The following DIDO1 variants were observed in gnomAD, a reference collection of about 807,000 sequenced individuals.
The protein encoded by DIDO1 is death inducer-obliterator 1, also known as death-inducer obliterator 1.
A neutral mutation model predicts 99.4 loss-of-function variants in DIDO1; 16 were observed. That is an observed-to-expected ratio of 0.16 (90% CI 0.11 to 0.24). The LOEUF is 0.24. DIDO1 is among the 10% of genes least tolerant of loss of function. The pLI is 1.00. For missense variants in DIDO1, 2,996 were observed against 3,014.0 expected (o/e 0.99, Z 0.14); for synonymous variants, 1,366 against 1,239.1 (o/e 1.10, Z -2.15).
intron 6 of DIDO1, among the ~76,000 whole-genome samples, chr20:62,897,421 G>A (rs1034019978): frequency 1.3e-5 from 2 of 152,210 alleles, no homozygotes; most frequent in African/African-American, 2.4e-5. Flanking sequence ...GTTTAGAAGC[G>A]TAAAACAGGC....
At chr20:62,937,848 C>A (rs112136207) in exon 1 of DIDO1, 2 of 398,546 alleles carry the variant, frequency 5.0e-6, no homozygotes, top group Non-Finnish European at 8.8e-6. Flanking sequence ...GATTTCCGCG[C>A]TCCAACGCCT....
chr20:62,897,063 A>T, intron 6 of DIDO1, 67 bp from the exon 7 acceptor site: 2 of 1,448,678 alleles, frequency 1.4e-6, no homozygotes, highest in Non-Finnish European at 1.9e-6. Context: ...TGACTCTAAA[A>T]AGCAGACTTA....
chr20:62,923,797 T>TA (rs1434131488), intron 1 of DIDO1, among the ~76,000 whole-genome samples: 1 of 152,252 alleles, frequency 6.6e-6, no homozygotes, highest in African/African-American at 2.4e-5. Context: ...TAAATGTCTA[T>TA]ATCAGCATAC....
upstream of DIDO1, among the ~76,000 whole-genome samples, chr20:62,929,693 G>GCA (rs1555853760): frequency 0.026 from 2,507 of 97,966 alleles, 206 homozygotes; most frequent in Middle Eastern, 0.11. Flanking sequence ...AAAAGAAAAA[G>GCA]TGTATATATA....
rs1261253654 is a variant in DIDO1 at position 62,879,744 on chromosome 20, C to T, written c.6212G>A (p.Arg2071Gln). ...ADGQWASADF[R>Q]EGKGHEYRNQ... The stretch of plus-strand genomic sequence containing the variant: ...TCTGTATTCGTGGCCTTTCCCCTCT[C>T]GGAAGTCGGCCGATGCCCACTGTCC... The change falls in exon 16 of 16, where the codon CGA becomes CAA. Residue 2071 changes from arginine (R) to glutamine (Q), a missense_variant. Arg to Gln is a conservative substitution (Grantham distance 43, BLOSUM62 1). Transcript: ENST00000395343. This position sits in a 1 kb window ranked among gnomAD's most constrained non-coding sequence, Gnocchi z 6.3. 7 of 1,611,750 alleles carry T rather than the reference C, an allele frequency of 4.3e-6. No homozygotes were observed. Among genetic ancestry groups the T allele is most frequent in the Non-Finnish European group, 5.1e-6 (6 of 1,179,812 alleles).
Position 62,894,614 on chromosome 20 carries a change from ACAC to A in DIDO1, c.2437-69_2437-67del, listed in dbSNP as rs2064475238. ...CCAAACTCAGCTCCAAATTAACCACACACAAGAAAAGCAGTCTCATGGGATTGA... is the reference window on the plus strand; with the variant it reads ...CCAAACTCAGCTCCAAATTAACCACAAAGAAAAGCAGTCTCATGGGATTGA... On this transcript the variant is annotated intron_variant, in intron 10 of 15. Transcript: ENST00000395343. This position sits in a 1 kb window ranked among gnomAD's most constrained non-coding sequence, Gnocchi z 4.4. 1 of 1,570,360 alleles carries A rather than the reference ACAC, an allele frequency of 6.4e-7. No individual in the cohort carries two copies. Among genetic ancestry groups the A allele is most frequent in the African/African-American group, 1.4e-5 (1 of 73,628 alleles).
At chr20:62,907,468 T>C (rs1327272577) in intron 4 of DIDO1, 109 bp from the exon 5 acceptor site, 8 of 1,026,982 alleles carry the variant, frequency 7.8e-6, no homozygotes, top group Non-Finnish European at 1.0e-5. Flanking sequence ...AGTTTCAAAA[T>C]GAGATACTAA....
chr20:62,903,298 C>T (rs1376383096), intron 6 of DIDO1, among the ~76,000 whole-genome samples: 5 of 152,196 alleles, frequency 3.3e-5, no homozygotes, highest in Non-Finnish European at 5.9e-5. Context: ...ACAGGAACCC[C>T]CAGGTCAACC....
rs1363137430 is a variant in DIDO1 at position 62,880,086 on chromosome 20, G to A, written c.5870C>T (p.Pro1957Leu). 6.2e-7 allele frequency: 1 copy of A among 1,612,200 alleles called. No individual in the cohort carries two copies. Among genetic ancestry groups the A allele is most frequent in the Non-Finnish European group, 8.5e-7 (1 of 1,179,998 alleles). Reference sequence around the variant, plus strand: ...CTGAGGCTGAATGCCCCTGGGACCTGGCATAAAGTTAGGCGCTTGGCCTCT... The same window carrying A: ...CTGAGGCTGAATGCCCCTGGGACCTAGCATAAAGTTAGGCGCTTGGCCTCT... ...GPRGQAPNFM[P>L]GPRGIQPQQF... The change falls in exon 16 of 16, where the codon CCA (proline) becomes CTA (leucine). Residue 1957 changes from proline (P) to leucine (L), a missense_variant. By Grantham distance (98) the Pro-to-Leu change is moderately conservative. Around this residue, in one of 5 missense-constraint regions of DIDO1, gnomAD observed 1,562 missense variants for 1,412.6 expected, o/e 1.11. Coordinates refer to ENST00000395343, the MANE Select transcript of DIDO1 (RefSeq NM_001193369.2).
chr20:62,910,821 G>A lies in DIDO1; in HGVS notation c.792C>T (p.Tyr264=), dbSNP rs548961303. ...AAATGCAATACAGGGCGTTGGGGTC[G>A]TAACCCTCACATTCAGGCTTCGGTC... is the stretch of plus-strand genomic sequence containing the variant. The part of the protein sequence containing the change: ...LGRPKPECEG[Y]DPNALYCICR... Residue 264 remains tyrosine (Y), a synonymous_variant, in exon 3 of 16, where the codon TAC becomes TAT. Transcript: ENST00000395343. The A allele has an allele frequency of 3.5e-5, 57 of 1,614,232 alleles. No homozygotes were observed. In the South Asian group the frequency reaches 4.0e-4, roughly 11 times the overall value.
upstream of DIDO1, among the ~76,000 whole-genome samples, chr20:62,928,389 C>T (rs952795981): frequency 6.6e-6 from 1 of 152,166 alleles, no homozygotes; most frequent in Admixed American, 6.5e-5. Context: ...CCAGAGGATA[C>T]TGGAACCTGC....
chr20:62,915,475 A>C (rs1395441906), intron 1 of DIDO1, among the ~76,000 whole-genome samples: 1 of 152,180 alleles, frequency 6.6e-6, no homozygotes, highest in East Asian at 1.9e-4. Context: ...TGCAACACTG[A>C]GCATTTAATT....
intron 1 of DIDO1, among the ~76,000 whole-genome samples, chr20:62,925,349 T>A (rs2065231787): frequency 6.6e-6 from 1 of 152,194 alleles, no homozygotes; most frequent in Non-Finnish European, 1.5e-5. Flanking sequence ...TAAGGACCTT[T>A]CTCAGAACTG....
At chr20:62,888,483 C>A in intron 15 of DIDO1, 1 of 985,566 alleles carries the variant, frequency 1.0e-6, no homozygotes, top group Non-Finnish European at 1.2e-6. Context: ...CCCAGCACTT[C>A]TGGGGGCGTG....
At chr20:62,914,741 T>G (rs909899683) in intron 1 of DIDO1, among the ~76,000 whole-genome samples, 1 of 152,166 alleles carries the variant, frequency 6.6e-6, no homozygotes, top group Non-Finnish European at 1.5e-5. Flanking sequence ...ATTTGGAGCC[T>G]ATGTCCGAGA....
At chr20:62,923,459 C>T (rs931762041) in intron 1 of DIDO1, among the ~76,000 whole-genome samples, 1 of 152,288 alleles carries the variant, frequency 6.6e-6, no homozygotes, top group East Asian at 1.9e-4. Flanking sequence ...CAGGCACGAC[C>T]CACCATGCCC....
At chr20:62,916,509 T>C (rs1216534806) in intron 1 of DIDO1, among the ~76,000 whole-genome samples, 1 of 152,214 alleles carries the variant, frequency 6.6e-6, no homozygotes, top group African/African-American at 2.4e-5. Flanking sequence ...ATTGCTATTT[T>C]CAAAATTCTA....
rs1027510121 is a variant in DIDO1 at position 62,914,266 on chromosome 20, A to C, written c.-59T>G. 2 of 152,162 alleles carry C rather than the reference A, an allele frequency of 1.3e-5. No homozygotes were observed. Among genetic ancestry groups the C allele is most frequent in the Non-Finnish European group, 2.9e-5 (2 of 68,040 alleles). 9.4% of individuals were successfully genotyped at this position (152,162 alleles called of 1,614,324 possible). On this transcript the variant is annotated 5_prime_UTR_variant, in exon 2 of 16. Transcript: ENST00000395343. The stretch of plus-strand genomic sequence containing the variant: ...CCCTGAAATCCTAAATACAACCAAA[A>C]ACCCTGGCAGACGAAACCTCTGGGT...
chr20:62,901,943 A>C, intron 6 of DIDO1, among the ~76,000 whole-genome samples: 1 of 152,084 alleles, frequency 6.6e-6, no homozygotes, highest in African/African-American at 2.4e-5. Flanking sequence ...TGTGACACCG[A>C]GAATGCCGAG....
Sources: allele counts gnomAD v4.1 joint callset (sites outside exome capture counted in the v4.1 genomes callset), GRCh38; gene constraint gnomAD v4.1.1; regional missense constraint gnomAD v4.1.1; non-coding constraint Gnocchi (gnomAD v3.1); transcripts MANE v1.5; gene names NCBI Gene and HGNC (gene_info 2026-07-23, HGNC 2026-07-21).